The following NXPE2 variants were observed in gnomAD, a reference collection of about 807,000 sequenced individuals.
NXPE2 encodes neurexophilin and PC-esterase domain family member 2.
NXPE2 carries 34 observed loss-of-function variants against 34.4 expected under a neutral mutation model. The observed-to-expected ratio is 0.99, with a 90% CI of 0.75 to 1.31. The LOEUF (loss-of-function observed/expected upper bound fraction) is 1.31, where lower values mean the gene tolerates loss of function less well. Among genes scored for constraint, NXPE2 ranks in the 40% most tolerant of loss-of-function variants. The probability of loss-of-function intolerance (pLI) is 0.00; values close to 1 mark genes in which losing one functional copy is unlikely to be tolerated. For synonymous variants in NXPE2, 235 were observed against 231.3 expected (o/e 1.02, Z -0.15); for missense variants, 649 against 672.5 (o/e 0.97, Z 0.39).
At chr11:114,761,046 G>C in the NXPE2 span, among the ~76,000 whole-genome samples, 1 of 152,166 alleles carries the variant, frequency 6.6e-6, no homozygotes. Flanking sequence ...TTCTTGTCAA[G>C]TGCAGTTAGG....
chr11:114,651,384 G>C, the NXPE2 span, among the ~76,000 whole-genome samples: 339 of 152,228 alleles, frequency 2.2e-3, 2 homozygotes, highest in African/African-American at 5.7e-3. Flanking sequence ...TCGTGGTCTC[G>C]TGGTCTCGCT....
chr11:114,770,217 T>A, the NXPE2 span, among the ~76,000 whole-genome samples: 2 of 152,132 alleles, frequency 1.3e-5, no homozygotes, highest in Non-Finnish European at 2.9e-5. Context: ...TGAGAAATGG[T>A]GGGTTGAGGT....
the NXPE2 span, among the ~76,000 whole-genome samples, chr11:114,541,414 C>T: frequency 6.6e-6 from 1 of 152,174 alleles, no homozygotes; most frequent in Non-Finnish European, 1.5e-5. Context: ...TAAGAAATCT[C>T]AGCAAGGATG....
At chr11:114,646,178 C>G in the NXPE2 span, among the ~76,000 whole-genome samples, 2 of 151,942 alleles carry the variant, frequency 1.3e-5, no homozygotes, top group Non-Finnish European at 2.9e-5. Flanking sequence ...ATATCTTAAA[C>G]TAACTATGTC....
chr11:114,555,247 G>A, the NXPE2 span, among the ~76,000 whole-genome samples: 20,256 of 151,406 alleles, frequency 0.13, 1,478 homozygotes, highest in South Asian at 0.23. Flanking sequence ...TTTTTGAGAT[G>A]GAGTCTTGCT....
chr11:114,706,015 T>A lies in NXPE2; in HGVS notation c.1144+19T>A. ...GTGAAAAGTATGTATTTAATTTATA[T>A]TTTGAAATTCTATTTGACTTTTGAG... On this transcript the variant is annotated intron_variant, in intron 5 of 5. Coordinates refer to ENST00000389586, the MANE Select transcript of NXPE2 (RefSeq NM_182495.6). 8.6e-7 allele frequency: 1 copy of A among 1,160,958 alleles called. No individual in the cohort carries two copies. The highest frequency in any genetic ancestry group is 1.1e-6 in the Non-Finnish European group (1 of 895,718). The allele number at this position is 1,160,958 out of a possible 1,614,324, so 71.9% of individuals were successfully genotyped here. A position where few individuals can be genotyped will look rare whatever the true frequency, so the allele number is the denominator to read the frequency against.
chr11:114,585,365 C>T, the NXPE2 span, among the ~76,000 whole-genome samples: 1 of 152,068 alleles, frequency 6.6e-6, no homozygotes, highest in Non-Finnish European at 1.5e-5. Flanking sequence ...CAAGACCTAA[C>T]TCTATCCTTC....
chr11:114,561,454 A>C, the NXPE2 span, among the ~76,000 whole-genome samples: 1 of 152,320 alleles, frequency 6.6e-6, no homozygotes, highest in East Asian at 1.9e-4. Flanking sequence ...TTCTTTAACC[A>C]ATATTGTTTC....
the NXPE2 span, among the ~76,000 whole-genome samples, chr11:114,540,101 G>A: frequency 2.0e-5 from 3 of 152,150 alleles, no homozygotes; most frequent in African/African-American, 4.8e-5. Flanking sequence ...GATTACAGAC[G>A]CCTGCCATCA....
chr11:114,640,965 AG>A, the NXPE2 span, among the ~76,000 whole-genome samples: 1 of 152,040 alleles, frequency 6.6e-6, no homozygotes. Flanking sequence ...GAACACATAG[AG>A]CAAGAATTAG....
At chr11:114,773,289 C>CA in the NXPE2 span, among the ~76,000 whole-genome samples, 5 of 44,272 alleles carry the variant, frequency 1.1e-4, no homozygotes, top group Non-Finnish European at 2.8e-4. Context: ...ACCCCCCCCC[C>CA]ACCCCATTCT....
chr11:114,674,164 G>A (rs1165026907), upstream of NXPE2, among the ~76,000 whole-genome samples: 1 of 151,752 alleles, frequency 6.6e-6, no homozygotes, highest in African/African-American at 2.4e-5. Flanking sequence ...AAATGCCTTA[G>A]TAGTCTTTTA....
At chr11:114,762,909 G>A in the NXPE2 span, among the ~76,000 whole-genome samples, 1 of 151,924 alleles carries the variant, frequency 6.6e-6, no homozygotes, top group African/African-American at 2.4e-5. Flanking sequence ...AGTCACTGAG[G>A]CCTATTCATC....
the NXPE2 span, among the ~76,000 whole-genome samples, chr11:114,651,836 A>G: frequency 6.6e-6 from 1 of 152,188 alleles, no homozygotes; most frequent in Non-Finnish European, 1.5e-5. Context: ...CTTTAGCTAG[A>G]CAGAAAAGTT....
chr11:114,667,584 G>A, the NXPE2 span, among the ~76,000 whole-genome samples: 1 of 152,124 alleles, frequency 6.6e-6, no homozygotes, highest in South Asian at 2.1e-4. Context: ...AGATGGCATT[G>A]TGATTTCCTC....
At chr11:114,540,214 C>T in the NXPE2 span, among the ~76,000 whole-genome samples, 2 of 152,166 alleles carry the variant, frequency 1.3e-5, no homozygotes, top group Non-Finnish European at 1.5e-5. Flanking sequence ...GCCTCGGCCT[C>T]CCAAAGTGCT....
the NXPE2 span, among the ~76,000 whole-genome samples, chr11:114,543,640 A>C: frequency 3.3e-5 from 5 of 152,160 alleles, no homozygotes; most frequent in African/African-American, 1.2e-4. Flanking sequence ...GGTACTTAAT[A>C]ATGAGAGATT....
At chr11:114,755,412 C>T in the NXPE2 span, among the ~76,000 whole-genome samples, 1 of 152,114 alleles carries the variant, frequency 6.6e-6, no homozygotes, top group African/African-American at 2.4e-5. Context: ...GGATGTTTTT[C>T]TTTTTCTGCC....
chr11:114,522,337 C>G, the NXPE2 span: 5 of 1,614,026 alleles, frequency 3.1e-6, no homozygotes, highest in Non-Finnish European at 3.4e-6. Flanking sequence ...CACCTGATAG[C>G]CGGTCAATTT....
Sources: allele counts gnomAD v4.1 joint callset (sites outside exome capture counted in the v4.1 genomes callset), GRCh38; gene constraint gnomAD v4.1.1; transcripts MANE v1.5; gene names NCBI Gene and HGNC (gene_info 2026-07-23, HGNC 2026-07-21).